The following CADPS variants were observed in gnomAD, a reference collection of about 807,000 sequenced individuals.
The protein encoded by CADPS is calcium dependent secretion activator.
CADPS carries 57 observed loss-of-function variants against 167.3 expected under a neutral mutation model. The ratio of observed to expected loss-of-function variants is 0.34; its 90% CI spans 0.28 to 0.42. The LOEUF (loss-of-function observed/expected upper bound fraction) is 0.42. CADPS is among the 20% of genes least tolerant of loss of function. The probability of loss-of-function intolerance (pLI) is 1.00; values close to 1 mark genes in which losing one functional copy is unlikely to be tolerated. For synonymous variants in CADPS, 676 were observed against 635.3 expected (o/e 1.06, Z -0.96); for missense variants, 1,414 against 1,738.1 (o/e 0.81, Z 3.32).
intron 6 of CADPS, among the ~76,000 whole-genome samples, chr3:62,615,435 A>C (rs1431666554): frequency 6.6e-6 from 1 of 152,186 alleles, no homozygotes; most frequent in Non-Finnish European, 1.5e-5. Context: ...CTGAGTGCTT[A>C]CTCTGAATCA....
rs569772799 is a variant in CADPS, at chr3:62,421,754, C to T, written c.3777+16350G>A. On this transcript the variant is annotated intron_variant, in intron 28 of 29. Coordinates refer to ENST00000383710, the MANE Select transcript of CADPS (RefSeq NM_003716.4). This position sits in a 1 kb window ranked among gnomAD's most constrained non-coding sequence, Gnocchi z 4.7. ...ATAATATTGTGTGTGAGGCTGGAGA[C>T]GCATTTGGAGTTCTTTCCTAGGGAT... Among the ~76,000 whole-genome samples, 13 of 152,184 alleles carry T rather than the reference C, an allele frequency of 8.5e-5. No individual in the cohort carries two copies. The East Asian group carries it at 9.7e-4, about 11-fold the overall frequency.
intron 6 of CADPS, among the ~76,000 whole-genome samples, chr3:62,619,943 G>A (rs551633379): frequency 1.3e-5 from 2 of 152,208 alleles, no homozygotes; most frequent in Admixed American, 6.5e-5. Context: ...CTTGGTTTGA[G>A]GTGACGATTA....
intron 11 of CADPS, among the ~76,000 whole-genome samples, chr3:62,540,221 C>T (rs2075458825): frequency 6.6e-6 from 1 of 151,980 alleles, no homozygotes; most frequent in Non-Finnish European, 1.5e-5. Context: ...GAGTCCTTCC[C>T]TATCTCTCTG....
chr3:62,605,484 AC>A (rs1562808018), intron 6 of CADPS, among the ~76,000 whole-genome samples: 1 of 152,170 alleles, frequency 6.6e-6, no homozygotes, highest in Non-Finnish European at 1.5e-5. Flanking sequence ...AATAGCATCT[AC>A]CTTATAGGGT....
intron 1 of CADPS, among the ~76,000 whole-genome samples, chr3:62,839,634 G>T (rs749019436): frequency 6.6e-6 from 1 of 152,184 alleles, no homozygotes; most frequent in African/African-American, 2.4e-5. Context: ...GTAGAGGAAT[G>T]ACTCTGGCAG....
chr3:62,769,644 C>A (rs1020468343), intron 1 of CADPS, among the ~76,000 whole-genome samples: 1 of 152,156 alleles, frequency 6.6e-6, no homozygotes, highest in Non-Finnish European at 1.5e-5. Context: ...CTTCCAGACT[C>A]CCCAGGTGGA....
intron 6 of CADPS, among the ~76,000 whole-genome samples, chr3:62,633,421 T>C (rs991136168): frequency 1.3e-5 from 2 of 152,144 alleles, no homozygotes; most frequent in Non-Finnish European, 2.9e-5. Context: ...AACCCAAGCC[T>C]CCTGCCTTGA....
chr3:62,668,472 C>A (rs2074897662), intron 3 of CADPS, among the ~76,000 whole-genome samples: 1 of 152,132 alleles, frequency 6.6e-6, no homozygotes, highest in South Asian at 2.1e-4. Flanking sequence ...ACAGGCTGTT[C>A]CTCATGCCTG....
chr3:62,844,736 G>C (rs947544907), intron 1 of CADPS, among the ~76,000 whole-genome samples: 16 of 152,180 alleles, frequency 1.1e-4, no homozygotes, highest in African/African-American at 3.1e-4. Flanking sequence ...TCGATTCTTA[G>C]TATAATGTGT....
At chr3:62,796,073 G>C (rs576768925) in intron 1 of CADPS, 1 of 152,242 alleles carries the variant, frequency 6.6e-6, no homozygotes, top group Non-Finnish European at 1.5e-5. Flanking sequence ...CAGGAGCTAT[G>C]AAGGTTTTAT....
intron 3 of CADPS, among the ~76,000 whole-genome samples, chr3:62,742,613 A>G (rs1488278229): frequency 6.6e-6 from 1 of 152,212 alleles, no homozygotes; most frequent in African/African-American, 2.4e-5. Context: ...TACACCATAC[A>G]CAAAAATTAA....
At chr3:62,672,056 A>G (rs975886419) in intron 3 of CADPS, among the ~76,000 whole-genome samples, 3 of 152,132 alleles carry the variant, frequency 2.0e-5, no homozygotes, top group Non-Finnish European at 4.4e-5. Flanking sequence ...CTGGGATTAC[A>G]GGTGTGAGCC....
chr3:62,556,384 CT>C (rs1257341284), intron 10 of CADPS, among the ~76,000 whole-genome samples: 1 of 152,234 alleles, frequency 6.6e-6, no homozygotes, highest in Non-Finnish European at 1.5e-5. Context: ...ACTAAGTGGG[CT>C]GGGCCCAAGG....
At chr3:62,559,975 A>AT (rs112423113) in intron 9 of CADPS, among the ~76,000 whole-genome samples, 6,610 of 141,366 alleles carry the variant, frequency 0.047, 209 homozygotes, top group African/African-American at 0.088. Flanking sequence ...GGGCTTTTTA[A>AT]TTTTTTTTTT....
At chr3:62,775,902 G>A (rs1483627121) in intron 1 of CADPS, among the ~76,000 whole-genome samples, 1 of 152,116 alleles carries the variant, frequency 6.6e-6, no homozygotes, top group Non-Finnish European at 1.5e-5. Flanking sequence ...GAAGTTGGCC[G>A]TTTTTAAGCA....
chr3:62,461,137 A>G (rs2059293804), intron 26 of CADPS, among the ~76,000 whole-genome samples: 1 of 152,230 alleles, frequency 6.6e-6, no homozygotes, highest in South Asian at 2.1e-4. Flanking sequence ...TAGTTTCAAC[A>G]TCTGCAGAAG....
At chr3:62,473,886 A>C in intron 24 of CADPS, 1 of 283,280 alleles carries the variant, frequency 3.5e-6, no homozygotes, top group Non-Finnish European at 6.5e-6. Context: ...TCGAGACACC[A>C]GCCTAATAAA....
At chr3:62,631,598 A>C (rs2065282392) in intron 6 of CADPS, among the ~76,000 whole-genome samples, 1 of 152,172 alleles carries the variant, frequency 6.6e-6, no homozygotes, top group Non-Finnish European at 1.5e-5. Flanking sequence ...CTGCTTGCTT[A>C]GTTACATGAA....
intron 6 of CADPS, among the ~76,000 whole-genome samples, chr3:62,608,287 C>CTT (rs113171177): frequency 1.4e-5 from 2 of 141,974 alleles, no homozygotes; most frequent in Non-Finnish European, 1.5e-5. Flanking sequence ...GTTGTTGTTG[C>CTT]TTTTTTTTTT....
Sources: allele counts gnomAD v4.1 joint callset (sites outside exome capture counted in the v4.1 genomes callset), GRCh38; gene constraint gnomAD v4.1.1; non-coding constraint Gnocchi (gnomAD v3.1); transcripts MANE v1.5; gene names NCBI Gene and HGNC (gene_info 2026-07-23, HGNC 2026-07-21).